Variants in CTNND2 observed in about 807,000 individuals in gnomAD.
CTNND2 encodes the protein catenin delta-2.
In CTNND2, 22 loss-of-function variants were observed where a neutral mutation model predicts 144.4. The observed-to-expected ratio is 0.15, with a 90% CI of 0.11 to 0.22. The LOEUF is 0.22. Among genes scored for constraint, CTNND2 ranks in the 10% least tolerant of loss-of-function variants. CTNND2 has a pLI of 1.00. For synonymous variants in CTNND2, 751 were observed against 695.6 expected (o/e 1.08, Z -1.25); for missense variants, 1,353 against 1,618.8 (o/e 0.84, Z 2.82).
intron 3 of CTNND2, among the ~76,000 whole-genome samples, chr5:11,552,016 G>A (rs935744141): frequency 2.0e-5 from 3 of 152,078 alleles, no homozygotes; most frequent in African/African-American, 7.2e-5. Context: ...GTGATCCCCT[G>A]CCCTTGGCCT....
At chr5:11,433,394 T>C (rs911568164) in intron 3 of CTNND2, among the ~76,000 whole-genome samples, 1 of 152,206 alleles carries the variant, frequency 6.6e-6, no homozygotes, top group South Asian at 2.1e-4. Context: ...TTTAAAACAA[T>C]TGACACTACC....
At chr5:11,303,028 C>G (rs2150036079) in intron 9 of CTNND2, among the ~76,000 whole-genome samples, 1 of 152,320 alleles carries the variant, frequency 6.6e-6, no homozygotes, top group South Asian at 2.1e-4. Context: ...AGTCACTCCT[C>G]AGCACATGGT....
intron 2 of CTNND2, among the ~76,000 whole-genome samples, chr5:11,638,254 T>C (rs1054221861): frequency 6.6e-6 from 1 of 152,194 alleles, no homozygotes; most frequent in Non-Finnish European, 1.5e-5. Flanking sequence ...CCCATGGTTC[T>C]CTGGTTAAAT....
chr5:11,563,578 A>G (rs906133678), intron 3 of CTNND2, among the ~76,000 whole-genome samples: 2 of 152,188 alleles, frequency 1.3e-5, no homozygotes, highest in African/African-American at 4.8e-5. Context: ...CAAGTCTGTG[A>G]TGAGTTTAAT....
At chr5:11,884,590 T>A (rs1017022777) in intron 1 of CTNND2, among the ~76,000 whole-genome samples, 4 of 152,150 alleles carry the variant, frequency 2.6e-5, no homozygotes, top group African/African-American at 9.7e-5. Flanking sequence ...AAATGTAAGA[T>A]CATGTCATCT....
At chr5:11,461,965 G>A (rs1240222190) in intron 3 of CTNND2, among the ~76,000 whole-genome samples, 1 of 152,014 alleles carries the variant, frequency 6.6e-6, no homozygotes, top group Admixed American at 6.5e-5. Context: ...GTTATATTGA[G>A]TCTTAGGGTC....
intron 2 of CTNND2, among the ~76,000 whole-genome samples, chr5:11,682,492 A>T (rs541240456): frequency 6.6e-6 from 1 of 152,374 alleles, no homozygotes; most frequent in Admixed American, 6.5e-5. Context: ...TAAAAGAATT[A>T]TACCAAATGT....
chr5:11,564,907 C>CT, intron 3 of CTNND2, 37 bp downstream of exon 3: 4 of 1,439,086 alleles, frequency 2.8e-6, no homozygotes, highest in Non-Finnish European at 3.9e-6. Flanking sequence ...GCAGGGGCAA[C>CT]TCAAAGCACA....
intron 2 of CTNND2, among the ~76,000 whole-genome samples, chr5:11,713,624 T>C (rs1336634874): frequency 2.0e-5 from 3 of 147,480 alleles, no homozygotes; most frequent in Admixed American, 6.8e-5. Flanking sequence ...TATATACATA[T>C]ATATAAAGGA....
chr5:11,345,843 A>G (rs1754722556), intron 9 of CTNND2, among the ~76,000 whole-genome samples: 1 of 151,972 alleles, frequency 6.6e-6, no homozygotes. Context: ...TTTCTCTAAT[A>G]TATTATGCTC....
chr5:10,977,618 A>C (rs990205709), intron 21 of CTNND2, among the ~76,000 whole-genome samples: 2 of 152,026 alleles, frequency 1.3e-5, no homozygotes, highest in Non-Finnish European at 2.9e-5. Context: ...ATGCCCAGCT[A>C]ATTTTTGTAT....
intron 3 of CTNND2, among the ~76,000 whole-genome samples, chr5:11,427,439 G>A (rs1055082618): frequency 8.6e-5 from 13 of 151,724 alleles, no homozygotes; most frequent in African/African-American, 1.7e-4. Context: ...TGCCATGCCC[G>A]GCTAATTTTT....
intron 9 of CTNND2, among the ~76,000 whole-genome samples, chr5:11,335,326 T>C (rs32137): frequency 0.69 from 105,503 of 152,106 alleles, 37,099 homozygotes; most frequent in Middle Eastern, 0.81. Flanking sequence ...AAATTAATTT[T>C]CATTAGTTAA....
chr5:11,110,547 A>G (rs1752860633), intron 14 of CTNND2, among the ~76,000 whole-genome samples: 1 of 152,158 alleles, frequency 6.6e-6, no homozygotes, highest in Non-Finnish European at 1.5e-5. Flanking sequence ...AGCTCCGACA[A>G]TGCCCTAAGT....
chr5:11,440,639 T>C lies in CTNND2; in HGVS notation c.288-28570A>G, dbSNP rs1363941. Reference sequence around the variant, plus strand: ...TGTATTTTGATTTCCTACTACTATTTGAAAATTCTCATAATACCAGCATTA... The same window carrying C: ...TGTATTTTGATTTCCTACTACTATTCGAAAATTCTCATAATACCAGCATTA... On this transcript the variant is annotated intron_variant, in intron 3 of 21. Coordinates refer to ENST00000304623, the MANE Select transcript of CTNND2 (RefSeq NM_001332.4). 2.9e-3 allele frequency among the ~76,000 whole-genome samples: 448 copies of C among 152,328 alleles called. 18 individuals carry two copies. In the East Asian group the frequency reaches 0.073, roughly 25 times the overall value.
chr5:10,994,473 G>T (rs1470823287), intron 18 of CTNND2, among the ~76,000 whole-genome samples: 1 of 133,016 alleles, frequency 7.5e-6, no homozygotes, highest in Non-Finnish European at 1.6e-5. Context: ...GAGGAAGGGG[G>T]GCGGGGAAGG....
At chr5:11,000,503 AGAAT>A (rs1739838479) in intron 18 of CTNND2, among the ~76,000 whole-genome samples, 1 of 152,228 alleles carries the variant, frequency 6.6e-6, no homozygotes, top group Non-Finnish European at 1.5e-5. Context: ...CCTGGGTGAA[AGAAT>A]GAAACTCTGT....
chr5:11,192,031 CT>C (rs1249830728), intron 11 of CTNND2, among the ~76,000 whole-genome samples: 1 of 152,216 alleles, frequency 6.6e-6, no homozygotes, highest in African/African-American at 2.4e-5. Flanking sequence ...ACAAGTCCCC[CT>C]TTCCATGTCA....
rs1156317327 is a variant in CTNND2 at position 11,489,152 on chromosome 5, T to C, written c.287+75792A>G. ...ACTGTTTTCCACAGTCTATAGTATT[T>C]TGCATTCCCTCGAGCCATGTATAAG... On this transcript the variant is annotated intron_variant, in intron 3 of 21. Coordinates refer to ENST00000304623, the MANE Select transcript of CTNND2 (RefSeq NM_001332.4). Among the ~76,000 whole-genome samples, 3 of 152,184 alleles carry C rather than the reference T, an allele frequency of 2.0e-5. No homozygotes were observed. The East Asian group carries it at 5.8e-4, about 29-fold the overall frequency.
Sources: gnomAD v4.1 joint callset for allele counts (sites outside exome capture counted in the v4.1 genomes callset) on GRCh38, gnomAD v4.1.1 for gene constraint, MANE v1.5 for transcripts, NCBI Gene and HGNC (gene_info 2026-07-23, HGNC 2026-07-21) for gene names.